The following HS3ST6 variants were observed in gnomAD, a reference collection of about 807,000 sequenced individuals.
HS3ST6 encodes heparan sulfate glucosamine 3-O-sulfotransferase 6.
A neutral mutation model predicts 11.0 loss-of-function variants in HS3ST6; 13 were observed. The ratio of observed to expected loss-of-function variants is 1.18; its 90% CI spans 0.77 to 1.88. HS3ST6 has a LOEUF of 1.88. Ranked by LOEUF, HS3ST6 falls within the 40% of genes most tolerant of loss-of-function variation. HS3ST6 has a pLI of 0.00. For missense variants in HS3ST6, 541 were observed against 494.4 expected (o/e 1.09, Z -0.89); for synonymous variants, 232 against 230.6 (o/e 1.01, Z -0.06).
rs762143585 is a variant in HS3ST6, at chr16:1,912,138, G to C, written c.481C>G (p.Arg161Gly). The C allele has an allele frequency of 4.4e-5, 65 of 1,493,300 alleles. No homozygotes were observed. The East Asian group carries it at 1.5e-3, about 35-fold the overall frequency. The allele number at this position is 1,493,300 out of a possible 1,614,324, so 92.5% of individuals were successfully genotyped here. Residue 161 changes from arginine to glycine, a missense_variant, in exon 2 of 2, where the codon CGA becomes GGA. Coordinates refer to ENST00000454677, the MANE Select transcript of HS3ST6 (RefSeq NM_001009606.4). This position sits in a 1 kb window ranked among gnomAD's most constrained non-coding sequence, Gnocchi z 5.6. ...MEKTPSYFVT[R>G]EAPRRIHAMS... ...GCGTGGATGCGGCGGGGGGCCTCTCGCGTCACGAAGTAGCTGGGGGTCTTC... is the reference window on the plus strand; with the variant it reads ...GCGTGGATGCGGCGGGGGGCCTCTCCCGTCACGAAGTAGCTGGGGGTCTTC...
chr16:1,918,874 G>C (rs1454415492), upstream of HS3ST6, among the ~76,000 whole-genome samples: 1 of 152,200 alleles, frequency 6.6e-6, no homozygotes, highest in Non-Finnish European at 1.5e-5. The surrounding 1 kb of genome is among the most constrained non-coding windows in gnomAD (Gnocchi z 6.0). Flanking sequence ...CGGGCACTCG[G>C]CCTGCCAAGG....
chr16:1,913,942 C>T (rs1010432184), intron 1 of HS3ST6, among the ~76,000 whole-genome samples: 2 of 152,124 alleles, frequency 1.3e-5, no homozygotes, highest in Non-Finnish European at 2.9e-5. Flanking sequence ...TAGGGGTGGG[C>T]GGCACGGGAG....
chr16:1,912,323 G>T lies in HS3ST6; in HGVS notation c.414-118C>A. The T allele has an allele frequency of 1.0e-6, 1 of 963,474 alleles. No homozygotes were observed. Among genetic ancestry groups the T allele is most frequent in the Non-Finnish European group, 1.4e-6 (1 of 733,696 alleles). 59.7% of individuals were successfully genotyped at this position (963,474 alleles called of 1,614,324 possible). A position where few individuals can be genotyped will look rare whatever the true frequency, so the allele number is the denominator to read the frequency against. On this transcript the variant is annotated intron_variant, in intron 1 of 1. Coordinates refer to ENST00000454677, the MANE Select transcript of HS3ST6 (RefSeq NM_001009606.4). This position sits in a 1 kb window ranked among gnomAD's most constrained non-coding sequence, Gnocchi z 5.6. The stretch of plus-strand genomic sequence containing the variant: ...AAGCCCAGGCCTCCAGGGCGAGCAA[G>T]TCTTCCTCCCTGCTCGGGCCCACCC...
chr16:1,911,997 C>G lies in HS3ST6; in HGVS notation c.622G>C (p.Ala208Pro). The change falls in exon 2 of 2, where the codon GCC (alanine) becomes CCC (proline). Residue 208 changes from alanine to proline, a missense_variant. By Grantham distance (27) the Ala-to-Pro change is conservative. Coordinates refer to ENST00000454677, the MANE Select transcript of HS3ST6 (RefSeq NM_001009606.4). ...ACGGGGCCCAGGCCGTGGCGGAAGG[C>G]CAGGGCGCGGAAGCTGGGCAGGCCC... Reference protein sequence around the residue: ...TPGLPSFRALAFRHGLGPVDT... With the variant: ...TPGLPSFRALPFRHGLGPVDT... The G allele has an allele frequency of 2.0e-6, 3 of 1,535,132 alleles. No individual in the cohort carries two copies. The highest frequency in any genetic ancestry group is 2.6e-6 in the Non-Finnish European group (3 of 1,141,664).
chr16:1,917,945 C>A lies in HS3ST6; in HGVS notation c.379G>T (p.Asp127Tyr), dbSNP rs897787345. The change falls in exon 1 of 2, where the codon GAC becomes TAC. Residue 127 changes from aspartate (D) to tyrosine (Y), a missense_variant. Physicochemically the swap from Asp to Tyr is radical, Grantham distance 160. Transcript: ENST00000454677. ...GCGAGGCCGCGCTCGTAGCACCTGT[C>A]GAAGAAGTGGGGCTCAGAGCCCAGC... ...RALGSEPHFF[D>Y]RCYERGLAWY... The A allele has an allele frequency of 2.0e-6, 3 of 1,509,812 alleles. No individual in the cohort carries two copies. Among genetic ancestry groups the A allele is most frequent in the Non-Finnish European group, 1.8e-6 (2 of 1,133,672 alleles). 93.5% of individuals were successfully genotyped at this position (1,509,812 alleles called of 1,614,324 possible).
chr16:1,911,667 G>A lies in HS3ST6; in HGVS notation c.952C>T (p.Arg318Trp), dbSNP rs371764901. The A allele has an allele frequency of 4.4e-5, 71 of 1,611,050 alleles. No homozygotes were observed. The highest frequency in any genetic ancestry group is 6.7e-5 in the East Asian group (3 of 44,804). ...PHPRVPQALV[R>W]RLQEFYRPFN... ...GGCCGGTAGAACTCCTGCAGGCGCC[G>A]GACCAGGGCCTGGGGCACGCGTGGG... The change falls in exon 2 of 2, where the codon CGG (arginine) becomes TGG (tryptophan). Residue 318 changes from arginine (R) to tryptophan (W), a missense_variant. By Grantham distance (101) the Arg-to-Trp change is moderately radical. Transcript: ENST00000454677.
rs1032723636 is a variant in HS3ST6, at chr16:1,912,347, C to T, written c.414-142G>A. ...AGTCTTCCTCCCTGCTCGGGCCCAC[C>T]CCTGCTAGCGTGCGCGGCTGGGCAG... is the stretch of plus-strand genomic sequence containing the variant. On this transcript the variant is annotated intron_variant, in intron 1 of 1. Coordinates refer to ENST00000454677, the MANE Select transcript of HS3ST6 (RefSeq NM_001009606.4). This position sits in a 1 kb window ranked among gnomAD's most constrained non-coding sequence, Gnocchi z 5.6. The T allele has an allele frequency of 1.1e-4, 86 of 754,938 alleles. No homozygotes were observed. Among genetic ancestry groups the T allele is most frequent in the Middle Eastern group, 4.2e-4 (1 of 2,368 alleles). The allele number at this position is 754,938 out of a possible 1,614,324, so 46.8% of individuals were successfully genotyped here.
rs770741053 is a variant in HS3ST6, at chr16:1,911,948, C to T, written c.671G>A (p.Arg224His). 5 of 1,580,940 alleles carry T rather than the reference C, an allele frequency of 3.2e-6. No individual in the cohort carries two copies. The highest frequency in any genetic ancestry group is 4.3e-6 in the Non-Finnish European group (5 of 1,162,312). The change falls in exon 2 of 2, where the codon CGC becomes CAC. Residue 224 changes from arginine (R) to histidine (H), a missense_variant. Physicochemically the swap from Arg to His is conservative, Grantham distance 29. Transcript: ENST00000454677. Reference protein sequence around the residue: ...GPVDTAWSAVRIGLYAQHLDH... With the variant: ...GPVDTAWSAVHIGLYAQHLDH... ...CAGGTGCTGGGCGTACAGGCCGATGCGGACGGCGCTCCAGGCTGTGTCCAC... is the reference window on the plus strand; with the variant it reads ...CAGGTGCTGGGCGTACAGGCCGATGTGGACGGCGCTCCAGGCTGTGTCCAC...
chr16:1,912,133 C>T lies in HS3ST6; in HGVS notation c.486G>A (p.Glu162=). 1 of 1,493,462 alleles carries T rather than the reference C, an allele frequency of 6.7e-7. No individual in the cohort carries two copies. Among genetic ancestry groups the T allele is most frequent in the Non-Finnish European group, 8.9e-7 (1 of 1,122,938 alleles). 92.5% of individuals were successfully genotyped at this position (1,493,462 alleles called of 1,614,324 possible). Residue 162 remains glutamate (E), a synonymous_variant, in exon 2 of 2, where the codon GAG becomes GAA. Transcript: ENST00000454677. This position sits in a 1 kb window ranked among gnomAD's most constrained non-coding sequence, Gnocchi z 5.6. ...EKTPSYFVTR[E]APRRIHAMSP... The stretch of plus-strand genomic sequence containing the variant: ...ACATGGCGTGGATGCGGCGGGGGGC[C>T]TCTCGCGTCACGAAGTAGCTGGGGG...
chr16:1,915,020 G>A (rs1441413139), intron 1 of HS3ST6, among the ~76,000 whole-genome samples: 3 of 152,088 alleles, frequency 2.0e-5, no homozygotes, highest in South Asian at 2.1e-4. Flanking sequence ...AGCCCTGGGC[G>A]ACCCTCCCTC....
intron 1 of HS3ST6, 105 bp downstream of exon 1, chr16:1,917,806 C>T: frequency 1.1e-6 from 1 of 928,696 alleles, no homozygotes; most frequent in Non-Finnish European, 1.5e-6. Context: ...GCCCGGAGCG[C>T]ACCCCTGCTC....
upstream of HS3ST6, among the ~76,000 whole-genome samples, chr16:1,919,265 G>T (rs1264154423): frequency 6.6e-6 from 1 of 152,202 alleles, no homozygotes; most frequent in Non-Finnish European, 1.5e-5. Context: ...CCTGTGCTGG[G>T]GAAGAGAAGG....
chr16:1,912,283 C>T lies in HS3ST6; in HGVS notation c.414-78G>A, dbSNP rs370700082. On this transcript the variant is annotated intron_variant, in intron 1 of 1. Coordinates refer to ENST00000454677, the MANE Select transcript of HS3ST6 (RefSeq NM_001009606.4). This position sits in a 1 kb window ranked among gnomAD's most constrained non-coding sequence, Gnocchi z 5.6. ...GCCCCCAGGGGCCCGGGACCAAGGC[C>T]CCCTTATGCCCGGGAAGCCCAGGCC... The T allele has an allele frequency of 6.2e-5, 76 of 1,230,766 alleles. 1 individual carries two copies. In the East Asian group the frequency reaches 8.8e-4, roughly 14 times the overall value. The allele number at this position is 1,230,766 out of a possible 1,614,324, so 76.2% of individuals were successfully genotyped here.
upstream of HS3ST6, among the ~76,000 whole-genome samples, chr16:1,920,532 C>G (rs2082958671): frequency 6.6e-6 from 1 of 152,164 alleles, no homozygotes; most frequent in South Asian, 2.1e-4. Context: ...GCTCCTCCAG[C>G]CCCCTGCCCA....
Position 1,911,973 on chromosome 16 carries a change from C to T in HS3ST6, c.646G>A (p.Val216Met), listed in dbSNP as rs755384932. Residue 216 changes from valine to methionine, a missense_variant, in exon 2 of 2, where the codon GTG (valine) becomes ATG (methionine). Transcript: ENST00000454677. Reference protein sequence around the residue: ...ALAFRHGLGPVDTAWSAVRIG... With the variant: ...ALAFRHGLGPMDTAWSAVRIG... Reference sequence around the variant, plus strand: ...CGGACGGCGCTCCAGGCTGTGTCCACGGGGCCCAGGCCGTGGCGGAAGGCC... The same window carrying T: ...CGGACGGCGCTCCAGGCTGTGTCCATGGGGCCCAGGCCGTGGCGGAAGGCC... 1.3e-5 allele frequency: 21 copies of T among 1,556,324 alleles called. No individual in the cohort carries two copies. Among genetic ancestry groups the T allele is most frequent in the Non-Finnish European group, 1.7e-5 (19 of 1,150,712 alleles).
Position 1,911,549 on chromosome 16 carries a change from G to T in HS3ST6, c.*41C>A. The T allele has an allele frequency of 2.0e-6, 3 of 1,531,270 alleles. No homozygotes were observed. The highest frequency in any genetic ancestry group is 1.8e-6 in the Non-Finnish European group (2 of 1,138,858). The allele number at this position is 1,531,270 out of a possible 1,614,324, so 94.9% of individuals were successfully genotyped here. ...CACGCAGCCCGCTCTGGCCAGGCGA[G>T]CGGGTGTCAATCAAGGTGCTGAGCA... On this transcript the variant is annotated 3_prime_UTR_variant, in exon 2 of 2. Transcript: ENST00000454677.
upstream of HS3ST6, among the ~76,000 whole-genome samples, chr16:1,920,901 G>C (rs2082960915): frequency 6.6e-6 from 1 of 152,218 alleles, no homozygotes; most frequent in Non-Finnish European, 1.5e-5. Context: ...TCAGTGGAAG[G>C]GTATACGTGG....
chr16:1,914,572 T>TCCCAGATG, intron 1 of HS3ST6, among the ~76,000 whole-genome samples: 1 of 152,138 alleles, frequency 6.6e-6, no homozygotes, highest in Non-Finnish European at 1.5e-5. Flanking sequence ...CCCTTTCCTT[T>TCCCAGATG]CCCAGATGGC....
At position 1,912,863 on chromosome 16, in the gene HS3ST6, C is replaced by T. The variant is rs2082900348; in HGVS notation, c.414-658G>A. 1.3e-5 allele frequency among the ~76,000 whole-genome samples: 2 copies of T among 152,196 alleles called. No individual in the cohort carries two copies. Among genetic ancestry groups the T allele is most frequent in the Non-Finnish European group, 2.9e-5 (2 of 68,048 alleles). ...CTGGAGTGTAGTGGTGCAATCTCGG[C>T]TCACTGCAACCTCTGCCTCCCGGGT... On this transcript the variant is annotated intron_variant, in intron 1 of 1. Coordinates refer to ENST00000454677, the MANE Select transcript of HS3ST6 (RefSeq NM_001009606.4). The surrounding 1 kb of genome is among the most constrained non-coding windows in gnomAD (Gnocchi z 5.6).
Sources: gnomAD v4.1 joint callset for allele counts (sites outside exome capture counted in the v4.1 genomes callset) on GRCh38, gnomAD v4.1.1 for gene constraint, Gnocchi (gnomAD v3.1) non-coding constraint, MANE v1.5 for transcripts, NCBI Gene and HGNC (gene_info 2026-07-23, HGNC 2026-07-21) for gene names.